ITGBL1: variants seen among roughly 807,000 people sequenced by gnomAD.
ITGBL1 encodes the protein integrin subunit beta like 1.
In ITGBL1, 51 loss-of-function variants were observed where a neutral mutation model predicts 68.5. The ratio of observed to expected loss-of-function variants is 0.74; its 90% CI spans 0.59 to 0.94. The LOEUF is 0.94. Among genes scored for constraint, ITGBL1 ranks in the 40% least tolerant of loss-of-function variants. ITGBL1 has a pLI of 0.00. For synonymous variants in ITGBL1, 209 were observed against 227.3 expected (o/e 0.92, Z 0.72); for missense variants, 649 against 647.4 (o/e 1.00, Z -0.03).
At chr13:101,505,142 T>G (rs1436817333) in intron 2 of ITGBL1, among the ~76,000 whole-genome samples, 1 of 152,182 alleles carries the variant, frequency 6.6e-6, no homozygotes, top group African/African-American at 2.4e-5. Flanking sequence ...AGTGAGTGCA[T>G]TCACACAATG....
chr13:101,562,377 CACCAGTT>C (rs2050114294), intron 2 of ITGBL1, among the ~76,000 whole-genome samples: 1 of 151,972 alleles, frequency 6.6e-6, no homozygotes, highest in Non-Finnish European at 1.5e-5. Flanking sequence ...TCTTTAAACT[CACCAGTT>C]AAAAGATAGA....
chr13:101,694,674 G>A (rs190411436), intron 8 of ITGBL1, among the ~76,000 whole-genome samples: 30 of 152,158 alleles, frequency 2.0e-4, no homozygotes, highest in Admixed American at 1.0e-3. Context: ...CTCCTGCCTT[G>A]GCCTCCCAAA....
intron 7 of ITGBL1, among the ~76,000 whole-genome samples, chr13:101,619,624 A>C (rs1378681562): frequency 6.6e-6 from 1 of 152,190 alleles, no homozygotes; most frequent in Admixed American, 6.5e-5. Flanking sequence ...GTTTTTAGGC[A>C]TAAAGTTTGT....
At chr13:101,616,608 A>G (rs1381771784) in intron 7 of ITGBL1, among the ~76,000 whole-genome samples, 1 of 152,156 alleles carries the variant, frequency 6.6e-6, no homozygotes, top group Non-Finnish European at 1.5e-5. Context: ...CTCCTGCCTC[A>G]GTCTCCTAAG....
intron 2 of ITGBL1, among the ~76,000 whole-genome samples, chr13:101,511,132 G>A (rs1262505683): frequency 1.3e-5 from 2 of 151,808 alleles, no homozygotes; most frequent in East Asian, 3.9e-4. Context: ...ATAGTTTGAG[G>A]TCTTACATTC....
At chr13:101,659,077 TC>T (rs1433856071) in intron 7 of ITGBL1, among the ~76,000 whole-genome samples, 2 of 135,248 alleles carry the variant, frequency 1.5e-5, no homozygotes, top group Non-Finnish European at 3.1e-5. Context: ...GGAATCTCGC[TC>T]TGTTGCCCAG....
chr13:101,596,606 G>A (rs1362133571), intron 6 of ITGBL1, among the ~76,000 whole-genome samples: 12 of 152,052 alleles, frequency 7.9e-5, no homozygotes, highest in East Asian at 1.9e-4. Flanking sequence ...AGAAAAGAGC[G>A]ACCTCTTCTG....
chr13:101,569,025 AACACACACACACACACACACACAC>A (rs112814235), intron 3 of ITGBL1, among the ~76,000 whole-genome samples: 6 of 103,656 alleles, frequency 5.8e-5, no homozygotes, highest in African/African-American at 7.3e-5. Flanking sequence ...CACCCCTCCA[AACACACACACACACACACACACAC>A]ACACACACAC....
At chr13:101,681,218 A>G (rs768730551) in intron 7 of ITGBL1, among the ~76,000 whole-genome samples, 7 of 152,122 alleles carry the variant, frequency 4.6e-5, no homozygotes, top group Non-Finnish European at 1.0e-4. Flanking sequence ...GGAAGTTAGT[A>G]TTCTTCAGCG....
chr13:101,462,062 C>A (rs1417686793), intron 2 of ITGBL1, among the ~76,000 whole-genome samples: 2 of 152,114 alleles, frequency 1.3e-5, no homozygotes, highest in African/African-American at 4.8e-5. Context: ...TCCTTGCTGG[C>A]TGTCAGTTGG....
intron 7 of ITGBL1, among the ~76,000 whole-genome samples, chr13:101,690,412 A>G (rs1464948515): frequency 6.6e-6 from 1 of 152,206 alleles, no homozygotes; most frequent in African/African-American, 2.4e-5. Flanking sequence ...ATTTGTCACC[A>G]TGAATACATA....
At chr13:101,543,198 G>C (rs1449298903) in intron 2 of ITGBL1, among the ~76,000 whole-genome samples, 1 of 152,108 alleles carries the variant, frequency 6.6e-6, no homozygotes, top group African/African-American at 2.4e-5. Flanking sequence ...GCTGGTACTG[G>C]TTTTTCCTTT....
chr13:101,455,491 A>G (rs2048231097), intron 2 of ITGBL1, among the ~76,000 whole-genome samples: 3 of 151,578 alleles, frequency 2.0e-5, no homozygotes, highest in Admixed American at 2.0e-4. Flanking sequence ...ACTTGCTGAA[A>G]CCCAGTCTCT....
chr13:101,528,055 G>C (rs1184663665), intron 2 of ITGBL1, among the ~76,000 whole-genome samples: 1 of 151,494 alleles, frequency 6.6e-6, no homozygotes, highest in Non-Finnish European at 1.5e-5. Context: ...TTCTTTAATG[G>C]CTCATATGTT....
At chr13:101,569,708 C>T (rs892246761) in intron 3 of ITGBL1, among the ~76,000 whole-genome samples, 21 of 152,100 alleles carry the variant, frequency 1.4e-4, no homozygotes, top group African/African-American at 5.1e-4. Context: ...TTGGATTTGT[C>T]TGATGTCTCC....
intron 2 of ITGBL1, among the ~76,000 whole-genome samples, chr13:101,463,771 A>G (rs1242469223): frequency 2.6e-5 from 4 of 152,148 alleles, no homozygotes; most frequent in Non-Finnish European, 5.9e-5. Flanking sequence ...CAATAAAAAA[A>G]CAAAATCAAA....
intron 8 of ITGBL1, among the ~76,000 whole-genome samples, chr13:101,693,516 G>T (rs12869888): frequency 6.6e-6 from 1 of 152,080 alleles, no homozygotes; most frequent in Non-Finnish European, 1.5e-5. Flanking sequence ...TTATTGGAGG[G>T]TGGAGGGTGG....
intron 7 of ITGBL1, among the ~76,000 whole-genome samples, chr13:101,691,862 G>A (rs2033888425): frequency 6.6e-6 from 1 of 152,128 alleles, no homozygotes; most frequent in Non-Finnish European, 1.5e-5. Flanking sequence ...TCAATGTGTG[G>A]TGTTGGAAAA....
intron 7 of ITGBL1, among the ~76,000 whole-genome samples, chr13:101,637,677 C>A (rs2032223251): frequency 6.6e-6 from 1 of 152,118 alleles, no homozygotes; most frequent in Non-Finnish European, 1.5e-5. Context: ...TTGTTGACAT[C>A]TTGGCTGCCA....
Sources: gnomAD v4.1 joint callset for allele counts (sites outside exome capture counted in the v4.1 genomes callset) on GRCh38, gnomAD v4.1.1 for gene constraint, MANE v1.5 for transcripts, NCBI Gene and HGNC (gene_info 2026-07-23, HGNC 2026-07-21) for gene names.